Variants in SSH2 observed in about 807,000 individuals in gnomAD.
The protein encoded by SSH2 is slingshot protein phosphatase 2.
In SSH2, 37 loss-of-function variants were observed where a neutral mutation model predicts 135.2. The observed-to-expected ratio is 0.27, with a 90% confidence interval of 0.21 to 0.36. The LOEUF (loss-of-function observed/expected upper bound fraction) is 0.36, where lower values mean the gene tolerates loss of function less well. SSH2 is among the 10% of genes least tolerant of loss of function. SSH2 has a pLI of 1.00. For missense variants in SSH2, 1,408 were observed against 1,765.3 expected, an observed-to-expected ratio of 0.80 and a Z score of 3.63; for synonymous variants, 628 against 646.2, an observed-to-expected ratio of 0.97 and a Z score of 0.43.
intron 1 of SSH2, among the ~76,000 whole-genome samples, chr17:29,891,446 A>G (rs1023574450): frequency 2.0e-5 from 3 of 152,090 alleles, no homozygotes; most frequent in Non-Finnish European, 4.4e-5. Context: ...TTTTTTTTTC[A>G]AAGCAATGAA....
intron 14 of SSH2, among the ~76,000 whole-genome samples, chr17:29,642,142 A>T (rs900013454): frequency 2.6e-5 from 4 of 152,078 alleles, no homozygotes; most frequent in African/African-American, 9.7e-5. Flanking sequence ...TTAAATCTCC[A>T]TTGCTCTTGG....
intron 3 of SSH2, among the ~76,000 whole-genome samples, chr17:29,708,001 G>A (rs898599845): frequency 6.6e-6 from 1 of 151,998 alleles, no homozygotes; most frequent in African/African-American, 2.4e-5. Flanking sequence ...ATAAGCGTGT[G>A]GCTGATTACA....
intron 1 of SSH2, among the ~76,000 whole-genome samples, chr17:29,875,983 C>CAAAAAAAAAAAAAAAAAAAAGAAAACAA (rs547629204): frequency 1.4e-5 from 1 of 71,712 alleles, no homozygotes; most frequent in African/African-American, 4.3e-5. Flanking sequence ...AAGAGGACAC[C>CAAAAAAAAAAAAAAAAAAAAGAAAACAA]AAAAAAAAAA....
intron 2 of SSH2, among the ~76,000 whole-genome samples, chr17:29,813,594 G>A (rs1163561384): frequency 1.3e-5 from 2 of 151,644 alleles, no homozygotes; most frequent in African/African-American, 4.8e-5. Context: ...GAGGCGGGAG[G>A]ATCTCTTGAG....
chr17:29,693,033 C>T (rs1255040535), intron 5 of SSH2, among the ~76,000 whole-genome samples: 1 of 152,158 alleles, frequency 6.6e-6, no homozygotes, highest in East Asian at 1.9e-4. Flanking sequence ...GATCATGGCT[C>T]ACTGCAGCCT....
At chr17:29,853,021 A>C (rs984405876) in intron 1 of SSH2, among the ~76,000 whole-genome samples, 1 of 151,624 alleles carries the variant, frequency 6.6e-6, no homozygotes, top group Non-Finnish European at 1.5e-5. Context: ...CAAAATAGTC[A>C]TTTCTGGTTT....
At chr17:29,679,097 CT>C (rs1325694316) in intron 6 of SSH2, among the ~76,000 whole-genome samples, 1 of 152,146 alleles carries the variant, frequency 6.6e-6, no homozygotes, top group African/African-American at 2.4e-5. Flanking sequence ...CCATGGACCC[CT>C]GATTGTATGC....
intron 1 of SSH2, among the ~76,000 whole-genome samples, chr17:29,909,937 T>C (rs912243265): frequency 3.9e-5 from 6 of 152,004 alleles, no homozygotes; most frequent in Non-Finnish European, 8.8e-5. Flanking sequence ...TATTCTATCA[T>C]TGTTGTTGTT....
intron 2 of SSH2, among the ~76,000 whole-genome samples, chr17:29,815,123 A>ATTTTTTTTT (rs71360722): frequency 2.0e-5 from 2 of 98,036 alleles, no homozygotes; most frequent in African/African-American, 4.0e-5. Flanking sequence ...TATTTTTTGT[A>ATTTTTTTTT]TTTTTTTTTT....
rs1029398851 is a variant in SSH2, at chr17:29,630,635, C to T, written c.*206G>A. On this transcript the variant is annotated 3_prime_UTR_variant, in exon 16 of 16. Coordinates refer to ENST00000540801, the MANE Select transcript of SSH2 (RefSeq NM_001282129.2). ...ATTTTTTTAAATAAAAAATGATAAA[C>T]GGTCTTGCCATCCAGATCAATCTCT... 5 of 397,792 alleles carry T rather than the reference C, an allele frequency of 1.3e-5. No individual in the cohort carries two copies. The highest frequency in any genetic ancestry group is 2.1e-5 in the African/African-American group (1 of 48,438). The allele number at this position is 397,792 out of a possible 1,614,324, so 24.6% of individuals were successfully genotyped here. A position where few individuals can be genotyped will look rare whatever the true frequency, so the allele number is the denominator to read the frequency against.
intron 3 of SSH2, among the ~76,000 whole-genome samples, chr17:29,736,239 A>G (rs2040359847): frequency 8.3e-6 from 1 of 120,216 alleles, no homozygotes; most frequent in Non-Finnish European, 1.9e-5. Context: ...ATTCATTAAC[A>G]TTAAATCTGC....
chr17:29,821,676 C>G lies in SSH2; in HGVS notation c.144+27173G>C, dbSNP rs546676442. Among the ~76,000 whole-genome samples, 18 of 148,812 alleles carry G rather than the reference C, an allele frequency of 1.2e-4. 1 individual carries two copies. In the South Asian group the frequency reaches 3.8e-3, roughly 32 times the overall value. On this transcript the variant is annotated intron_variant, in intron 2 of 15. Transcript: ENST00000540801. ...TTTTTTTTTTTTTGAGGTGGAGTCT[C>G]GCTCTGTTGCCAGGCTGGAGTGCAG...
At chr17:29,883,589 G>A (rs2066178870) in intron 1 of SSH2, among the ~76,000 whole-genome samples, 2 of 152,110 alleles carry the variant, frequency 1.3e-5, no homozygotes, top group African/African-American at 4.8e-5. Flanking sequence ...AGTTCTCCTG[G>A]AGTAAAGAAT....
chr17:29,824,364 G>A (rs2042707159), intron 2 of SSH2, among the ~76,000 whole-genome samples: 1 of 152,092 alleles, frequency 6.6e-6, no homozygotes, highest in Non-Finnish European at 1.5e-5. Context: ...CACGATGACT[G>A]CCACAGTCAA....
At chr17:29,679,343 A>C (rs1250404675) in intron 6 of SSH2, among the ~76,000 whole-genome samples, 2 of 152,024 alleles carry the variant, frequency 1.3e-5, no homozygotes, top group Non-Finnish European at 2.9e-5. Context: ...TCACAGTATG[A>C]TTATGGGCTC....
chr17:29,797,691 G>C (rs12150215), intron 2 of SSH2, among the ~76,000 whole-genome samples: 9,515 of 152,118 alleles, frequency 0.063, 559 homozygotes, highest in African/African-American at 0.16. Flanking sequence ...GAAGTCAGGA[G>C]TTTGAGACCA....
chr17:29,716,719 C>A, intron 3 of SSH2: 1 of 571,230 alleles, frequency 1.8e-6, no homozygotes, highest in Non-Finnish European at 3.3e-6. Context: ...GCAGTTCCGG[C>A]TGAAAGTCTA....
intron 9 of SSH2, among the ~76,000 whole-genome samples, 199 bp downstream of exon 9, chr17:29,671,736 G>C (rs966748069): frequency 6.6e-6 from 1 of 152,256 alleles, no homozygotes; most frequent in Admixed American, 6.5e-5. Flanking sequence ...TTGTGCCTTG[G>C]GGTGAAGCTT....
intron 3 of SSH2, among the ~76,000 whole-genome samples, chr17:29,715,722 A>G (rs1171956193): frequency 6.6e-6 from 1 of 152,216 alleles, no homozygotes. Flanking sequence ...AATGTTTAGC[A>G]ATTATAGTAA....
Sources: allele counts gnomAD v4.1 joint callset (sites outside exome capture counted in the v4.1 genomes callset), GRCh38; gene constraint gnomAD v4.1.1; transcripts MANE v1.5; gene names NCBI Gene and HGNC (gene_info 2026-07-23, HGNC 2026-07-21).